Variants in LRRC4C observed in about 807,000 individuals in gnomAD.
The protein encoded by LRRC4C is leucine rich repeat containing 4C.
Under a neutral mutation model 33.6 loss-of-function variants are expected in LRRC4C, and 5 were observed. That is an observed-to-expected ratio of 0.15 (90% CI 0.08 to 0.31). The LOEUF is 0.31. Among genes scored for constraint, LRRC4C ranks in the 10% least tolerant of loss-of-function variants. The pLI is 1.00. For synonymous variants in LRRC4C, 329 were observed against 302.0 expected (o/e 1.09, Z -0.93); for missense variants, 560 against 796.7 (o/e 0.70, Z 3.58).
chr11:40,659,923 G>A (rs1376103967), intron 2 of LRRC4C, among the ~76,000 whole-genome samples: 1 of 152,226 alleles, frequency 6.6e-6, no homozygotes, highest in Non-Finnish European at 1.5e-5. Context: ...GGGACTGAAA[G>A]AGCTGTAACA....
intron 3 of LRRC4C, among the ~76,000 whole-genome samples, chr11:40,582,342 A>G (rs1443112046): frequency 6.6e-6 from 1 of 152,174 alleles, no homozygotes; most frequent in East Asian, 1.9e-4. Context: ...GTACTAAACA[A>G]TATTTTTTTC....
At chr11:41,343,065 A>C (rs1222094765) in intron 1 of LRRC4C, among the ~76,000 whole-genome samples, 1 of 152,034 alleles carries the variant, frequency 6.6e-6, no homozygotes, top group African/African-American at 2.4e-5. Context: ...CTCACTTCTC[A>C]CTGGATTTAG....
At chr11:41,193,332 C>T (rs187080472) in intron 1 of LRRC4C, among the ~76,000 whole-genome samples, 309 of 152,168 alleles carry the variant, frequency 2.0e-3, no homozygotes, top group African/African-American at 7.0e-3. Context: ...GATTCAGTCT[C>T]TAGATGAGAG....
At chr11:40,706,901 T>C (rs1353446422) in intron 2 of LRRC4C, among the ~76,000 whole-genome samples, 2 of 152,196 alleles carry the variant, frequency 1.3e-5, no homozygotes, top group Non-Finnish European at 2.9e-5. Flanking sequence ...CAGTGGTTTG[T>C]AGTTCTCCTT....
intron 3 of LRRC4C, among the ~76,000 whole-genome samples, chr11:40,621,249 CT>C (rs886975381): frequency 2.7e-5 from 4 of 150,660 alleles, no homozygotes; most frequent in South Asian, 2.1e-4. Context: ...TTTAATGGTT[CT>C]TTTTTTTTAA....
chr11:40,303,797 T>C (rs746846764), intron 4 of LRRC4C, among the ~76,000 whole-genome samples: 3 of 152,222 alleles, frequency 2.0e-5, no homozygotes, highest in African/African-American at 7.2e-5. Flanking sequence ...AGCAGACTTA[T>C]AGCCTTTGAG....
intron 1 of LRRC4C, among the ~76,000 whole-genome samples, chr11:41,196,576 G>T (rs533287026): frequency 6.6e-6 from 1 of 152,152 alleles, no homozygotes; most frequent in East Asian, 1.9e-4. Context: ...ACTTATGAAA[G>T]ATATTAATTT....
At chr11:40,596,751 G>A (rs1197456248) in intron 3 of LRRC4C, among the ~76,000 whole-genome samples, 1 of 151,988 alleles carries the variant, frequency 6.6e-6, no homozygotes, top group Non-Finnish European at 1.5e-5. Flanking sequence ...TTGACATAAT[G>A]TCCTCCAGTT....
intron 3 of LRRC4C, among the ~76,000 whole-genome samples, chr11:40,423,384 G>A (rs1441476067): frequency 1.6e-5 from 2 of 122,140 alleles, no homozygotes; most frequent in Admixed American, 2.3e-4. Context: ...TCGCTCTGTC[G>A]CCCAGGCTGG....
intron 1 of LRRC4C, among the ~76,000 whole-genome samples, chr11:41,016,877 G>T (rs1855620231): frequency 6.6e-6 from 1 of 152,142 alleles, no homozygotes; most frequent in Non-Finnish European, 1.5e-5. Context: ...GCATCATTAG[G>T]TGCCATTTAA....
rs183837042 is a variant in LRRC4C at position 40,671,815 on chromosome 11, G to A, written c.-406-23537C>T. Among the ~76,000 whole-genome samples the A allele has an allele frequency of 3.4e-4, 51 of 151,260 alleles. 1 individual carries two copies. The East Asian group carries it at 5.3e-3, about 16-fold the overall frequency. ...AATTACTCTGTTTTATATTTTCATC[G>A]TGCCTATCACTATCTAAGATTATTT... On this transcript the variant is annotated intron_variant, in intron 2 of 6. Transcript: ENST00000528697.
chr11:40,270,204 T>C (rs1349886342), intron 4 of LRRC4C, among the ~76,000 whole-genome samples: 4 of 152,186 alleles, frequency 2.6e-5, no homozygotes, highest in African/African-American at 4.8e-5. Flanking sequence ...TGTTTACTAG[T>C]GTTGCCGTAA....
chr11:40,121,029 A>C (rs1382338803), intron 6 of LRRC4C, among the ~76,000 whole-genome samples: 1 of 152,172 alleles, frequency 6.6e-6, no homozygotes, highest in Non-Finnish European at 1.5e-5. Flanking sequence ...ATATATAATA[A>C]ATATTTAATG....
intron 3 of LRRC4C, among the ~76,000 whole-genome samples, chr11:40,627,074 G>GTT (rs33969300): frequency 5.0e-4 from 56 of 112,434 alleles, no homozygotes; most frequent in African/African-American, 1.7e-3. Context: ...CAGCTATACT[G>GTT]TTTTTTTTTT....
At chr11:40,547,842 G>C (rs1258419505) in intron 3 of LRRC4C, among the ~76,000 whole-genome samples, 1 of 151,998 alleles carries the variant, frequency 6.6e-6, no homozygotes, top group Admixed American at 6.6e-5. Context: ...ATTTCACAAA[G>C]GCCAGAGAAT....
intron 4 of LRRC4C, among the ~76,000 whole-genome samples, chr11:40,272,536 G>T (rs1238773773): frequency 6.6e-6 from 1 of 151,992 alleles, no homozygotes; most frequent in Non-Finnish European, 1.5e-5. Flanking sequence ...TGAAGGAGAG[G>T]AGGGAGGGTA....
intron 1 of LRRC4C, among the ~76,000 whole-genome samples, chr11:41,002,099 C>T (rs1008032140): frequency 6.6e-6 from 1 of 152,030 alleles, no homozygotes. Context: ...TCTTCGAAAC[C>T]CCTTTTTTGT....
chr11:40,151,611 T>G (rs181668709), intron 5 of LRRC4C, among the ~76,000 whole-genome samples: 1 of 152,268 alleles, frequency 6.6e-6, no homozygotes, highest in East Asian at 1.9e-4. Context: ...TCGCGGAAGG[T>G]AGAGACAAAA....
rs117836627 is a variant in LRRC4C, at chr11:41,111,103, T to G, written c.-495-177380A>C. Reference sequence around the variant, plus strand: ...TTAACTCATGTAAGCCACTAATAGATGAGAAAGGCATTATTATTATCGGCA... The same window carrying G: ...TTAACTCATGTAAGCCACTAATAGAGGAGAAAGGCATTATTATTATCGGCA... On this transcript the variant is annotated intron_variant, in intron 1 of 6. Coordinates refer to ENST00000528697, the MANE Select transcript of LRRC4C (RefSeq NM_001258419.2). Among the ~76,000 whole-genome samples the G allele has an allele frequency of 6.3e-3, 958 of 152,182 alleles. 6 individuals carry two copies. The highest frequency in any genetic ancestry group is 9.9e-3 in the Non-Finnish European group (676 of 67,988).
Sources: allele counts gnomAD v4.1 joint callset (sites outside exome capture counted in the v4.1 genomes callset), GRCh38; gene constraint gnomAD v4.1.1; transcripts MANE v1.5; gene names NCBI Gene and HGNC (gene_info 2026-07-23, HGNC 2026-07-21).